CCDC152: variants seen among roughly 807,000 people sequenced by gnomAD.
CCDC152 encodes the protein coiled-coil domain-containing protein 152.
CCDC152 carries 37 observed loss-of-function variants against 38.1 expected under a neutral mutation model. The observed-to-expected ratio is 0.97, with a 90% CI of 0.75 to 1.28. CCDC152 has a LOEUF of 1.28. Ranked by LOEUF, CCDC152 falls within the 50% of genes most tolerant of loss-of-function variation. The probability of loss-of-function intolerance (pLI) is 0.00; values close to 1 mark genes in which losing one functional copy is unlikely to be tolerated. For missense variants in CCDC152, 259 were observed against 292.1 expected, an observed-to-expected ratio of 0.89 and a Z score of 0.83; for synonymous variants, 83 against 87.1, an observed-to-expected ratio of 0.95 and a Z score of 0.26.
chr5:42,784,082 A>G (rs1340530837), intron 6 of CCDC152, among the ~76,000 whole-genome samples: 1 of 152,116 alleles, frequency 6.6e-6, no homozygotes, highest in Non-Finnish European at 1.5e-5. Flanking sequence ...GATAAAAACA[A>G]TTTATTTTCC....
intron 5 of CCDC152, among the ~76,000 whole-genome samples, chr5:42,781,984 CTG>C (rs747089074): frequency 1.3e-5 from 2 of 152,150 alleles, no homozygotes; most frequent in Admixed American, 6.5e-5. Context: ...TGTAAAATAA[CTG>C]TCTTCCATCA....
In CCDC152 at chr5:42,800,726, T is replaced by C. The variant is rs1366564317; in HGVS notation, c.*945T>C. The stretch of plus-strand genomic sequence containing the variant: ...TATGTCCTATTTTAAATATTTAGTT[T>C]GAAGGTCATTCTCACTTTTTTGCCT... On this transcript the variant is annotated 3_prime_UTR_variant, in exon 9 of 9. Transcript: ENST00000361970. 1 of 1,601,662 alleles carries C rather than the reference T, an allele frequency of 6.2e-7. No individual in the cohort carries two copies. The highest frequency in any genetic ancestry group is 1.3e-5 in the African/African-American group (1 of 74,634).
intron 6 of CCDC152, among the ~76,000 whole-genome samples, chr5:42,789,142 G>T (rs1241152415): frequency 2.0e-5 from 3 of 152,214 alleles, no homozygotes; most frequent in Non-Finnish European, 2.9e-5. Context: ...TAGTAGTTTG[G>T]CAGTCAGCAG....
At chr5:42,785,207 A>G (rs971831886) in intron 6 of CCDC152, among the ~76,000 whole-genome samples, 4 of 152,064 alleles carry the variant, frequency 2.6e-5, no homozygotes, top group Non-Finnish European at 5.9e-5. Context: ...CATTTTGATG[A>G]TATTGATTCT....
chr5:42,759,821 T>C (rs1287345466), intron 2 of CCDC152, among the ~76,000 whole-genome samples: 3 of 152,190 alleles, frequency 2.0e-5, no homozygotes, highest in South Asian at 4.1e-4. Flanking sequence ...TTATAATTGT[T>C]CTATTTTATT....
chr5:42,760,907 T>G (rs1759543670), intron 2 of CCDC152, among the ~76,000 whole-genome samples: 1 of 152,230 alleles, frequency 6.6e-6, no homozygotes, highest in South Asian at 2.1e-4. Context: ...GAAATATCTG[T>G]CATATTCTTA....
chr5:42,797,730 C>A (rs1435872813), intron 7 of CCDC152, among the ~76,000 whole-genome samples: 1 of 152,110 alleles, frequency 6.6e-6, no homozygotes, highest in African/African-American at 2.4e-5. Flanking sequence ...AAACAAATTT[C>A]TTCCTAATAA....
intron 3 of CCDC152, among the ~76,000 whole-genome samples, chr5:42,766,592 A>C (rs1224819724): frequency 6.6e-6 from 1 of 152,108 alleles, no homozygotes; most frequent in African/African-American, 2.4e-5. Context: ...AAAATGAATG[A>C]GATCCTGCCA....
In CCDC152 at chr5:42,782,316, C is replaced by CA. The variant is rs796230482; in HGVS notation, c.328-1157dup. On this transcript the variant is annotated intron_variant, in intron 5 of 8. Coordinates refer to ENST00000361970, the MANE Select transcript of CCDC152 (RefSeq NM_001134848.2). ...ATGTATAGTTTTGGCTTATATTGAA[C>CA]ATACCTTAATTCTGTAGTGGCATTT... Among the ~76,000 whole-genome samples, 5 of 152,294 alleles carry CA rather than the reference C, an allele frequency of 3.3e-5. 1 individual carries two copies. The highest frequency in any genetic ancestry group is 1.2e-4 in the African/African-American group (5 of 41,564).
intron 7 of CCDC152, among the ~76,000 whole-genome samples, chr5:42,799,172 G>A (rs1191414772): frequency 1.3e-5 from 2 of 151,630 alleles, no homozygotes; most frequent in African/African-American, 2.4e-5. Flanking sequence ...TAATTTTGCC[G>A]TGCAATCAGG....
At chr5:42,799,343 G>GT (rs1561281429) in intron 7 of CCDC152, 32 bp from the exon 8 acceptor site, 1 of 1,149,456 alleles carries the variant, frequency 8.7e-7, no homozygotes, top group Admixed American at 2.4e-5. Flanking sequence ...ATTGTCTAGA[G>GT]TTTCAATAAC....
rs1760137080 is a variant in CCDC152, at chr5:42,799,736, CCTTT to C, written c.723_726del (p.Ser242LeufsTer88). ...ATACCATTCGCGATTTAGAGCAACG[CCTTT>C]CTGTTGGCAAAGATTCTCACCTTAA... is the stretch of plus-strand genomic sequence containing the variant. On this transcript the variant is annotated frameshift_variant, in exon 9 of 9. Transcript: ENST00000361970. LOFTEE classifies it high-confidence loss of function. The C allele has an allele frequency of 1.3e-6, 2 of 1,551,260 alleles. No individual in the cohort carries two copies. Among genetic ancestry groups the C allele is most frequent in the East Asian group, 2.4e-5 (1 of 40,866 alleles).
chr5:42,767,855 TG>T (rs1759646688), intron 3 of CCDC152, among the ~76,000 whole-genome samples: 1 of 152,244 alleles, frequency 6.6e-6, no homozygotes, highest in Non-Finnish European at 1.5e-5. Flanking sequence ...TGGCAGAGTC[TG>T]TCTATGCCTC....
chr5:42,763,897 T>G (rs1221090490), intron 3 of CCDC152, among the ~76,000 whole-genome samples: 1 of 152,198 alleles, frequency 6.6e-6, no homozygotes, highest in Non-Finnish European at 1.5e-5. Flanking sequence ...ACTTTCTAAG[T>G]GTATGACACA....
At chr5:42,795,569 C>T (rs573956500) in intron 6 of CCDC152, among the ~76,000 whole-genome samples, 4 of 152,160 alleles carry the variant, frequency 2.6e-5, no homozygotes, top group South Asian at 2.1e-4. Flanking sequence ...ATGCGGAATA[C>T]GTATTATTTT....
At chr5:42,760,303 C>CA (rs148225690) in intron 2 of CCDC152, among the ~76,000 whole-genome samples, 1,174 of 105,704 alleles carry the variant, frequency 0.011, 12 homozygotes, top group African/African-American at 0.035. Context: ...GACTCCGTCT[C>CA]AAAAAAAAAA....
rs1479896856 is a variant in CCDC152 at position 42,799,925 on chromosome 5, G to A, written c.*144G>A. On this transcript the variant is annotated 3_prime_UTR_variant, in exon 9 of 9. Transcript: ENST00000361970. ...GAATTTATTTGGACAAATCCGTACT[G>A]TATCCAATTCTGTACTGCATTCTTG... is the stretch of plus-strand genomic sequence containing the variant. 7 of 899,140 alleles carry A rather than the reference G, an allele frequency of 7.8e-6. No homozygotes were observed. The highest frequency in any genetic ancestry group is 1.7e-5 in the African/African-American group (1 of 58,582). The allele number at this position is 899,140 out of a possible 1,614,324, so 55.7% of individuals were successfully genotyped here. A position where few individuals can be genotyped will look rare whatever the true frequency, so the allele number is the denominator to read the frequency against.
At position 42,801,192 on chromosome 5, in the gene CCDC152, T is replaced by C. The variant is rs754112505; in HGVS notation, c.*1411T>C. The C allele has an allele frequency of 6.2e-7, 1 of 1,614,178 alleles. No individual in the cohort carries two copies. The highest frequency in any genetic ancestry group is 1.3e-5 in the African/African-American group (1 of 75,048). On this transcript the variant is annotated 3_prime_UTR_variant, in exon 9 of 9. Transcript: ENST00000361970. Reference sequence around the variant, plus strand: ...ATTTGGTGCTCCTGGTTGCTGATTCTCTGAAAGCTCACTGCTGCCAAGGTG... The same window carrying C: ...ATTTGGTGCTCCTGGTTGCTGATTCCCTGAAAGCTCACTGCTGCCAAGGTG...
chr5:42,773,538 A>T (rs1054569909), intron 4 of CCDC152, among the ~76,000 whole-genome samples: 5 of 152,222 alleles, frequency 3.3e-5, no homozygotes, highest in African/African-American at 1.2e-4. Flanking sequence ...GCCATGTAGT[A>T]CAGTTTATAT....
Sources: allele counts gnomAD v4.1 joint callset (sites outside exome capture counted in the v4.1 genomes callset), GRCh38; gene constraint gnomAD v4.1.1; transcripts MANE v1.5; gene names NCBI Gene and HGNC (gene_info 2026-07-23, HGNC 2026-07-21).